Variants in KCNK12 observed in about 807,000 individuals in gnomAD.
The protein encoded by KCNK12 is potassium two pore domain channel subfamily K member 12.
Under a neutral mutation model 25.3 loss-of-function variants are expected in KCNK12, and 6 were observed. The ratio of observed to expected loss-of-function variants is 0.24; its 90% CI spans 0.13 to 0.47. The LOEUF is 0.47. KCNK12 is among the 20% of genes least tolerant of loss of function. The pLI is 0.99. For missense variants in KCNK12, 444 were observed against 661.7 expected (o/e 0.67, Z 3.61); for synonymous variants, 331 against 311.1 (o/e 1.06, Z -0.67).
chr2:47,570,049 G>A lies in KCNK12; in HGVS notation c.283C>T (p.Arg95Trp). Residue 95 changes from arginine (R) to tryptophan (W), a missense_variant, in exon 1 of 2, where the codon CGG (arginine) becomes TGG (tryptophan). Transcript: ENST00000327876. ...GCGGCCAGCGCGGCCTCGTAGTGCC[G>A]GAGGAAGGCGCGCAGCTCTGGCTCG... is the stretch of plus-strand genomic sequence containing the variant. ...VAEPELRAFL[R>W]HYEAALAAGV... is the part of the protein sequence containing the mutation. 1 of 1,416,398 alleles carries A rather than the reference G, an allele frequency of 7.1e-7. No individual in the cohort carries two copies. 87.7% of individuals were successfully genotyped at this position (1,416,398 alleles called of 1,614,324 possible).
In KCNK12 at chr2:47,528,911, C is replaced by T. The variant is rs1374095128; in HGVS notation, c.392-7103G>A. On this transcript the variant is annotated intron_variant, in intron 1 of 1. Transcript: ENST00000327876. This position sits in a 1 kb window ranked among gnomAD's most constrained non-coding sequence, Gnocchi z 4.5. ...TCGGTTGGGCCCTTGACACACTCCT[C>T]CCATCCAGGCCCCCAGCCACCCTGT... Among the ~76,000 whole-genome samples, 1 of 151,858 alleles carries T rather than the reference C, an allele frequency of 6.6e-6. No individual in the cohort carries two copies. The highest frequency in any genetic ancestry group is 1.5e-5 in the Non-Finnish European group (1 of 67,974).
chr2:47,524,433 G>A (rs1375964143), intron 1 of KCNK12, among the ~76,000 whole-genome samples: 1 of 152,130 alleles, frequency 6.6e-6, no homozygotes, highest in Non-Finnish European at 1.5e-5. Context: ...AAAAGAATGT[G>A]GAACAAAATA....
intron 1 of KCNK12, among the ~76,000 whole-genome samples, chr2:47,537,367 G>C (rs899342658): frequency 1.3e-5 from 2 of 148,972 alleles, no homozygotes; most frequent in Non-Finnish European, 3.0e-5. Context: ...ATCTTGCTCT[G>C]TCGCCCAGGC....
In KCNK12 at chr2:47,520,880, G is replaced by T; in HGVS notation, c.*27C>A. 1 of 1,236,734 alleles carries T rather than the reference G, an allele frequency of 8.1e-7. No individual in the cohort carries two copies. The allele number at this position is 1,236,734 out of a possible 1,614,324, so 76.6% of individuals were successfully genotyped here. A position where few individuals can be genotyped will look rare whatever the true frequency, so the allele number is the denominator to read the frequency against. ...CCCGGCGGCCCCGCGGCCTGGAGAGGGTCCCCGGCGCGGGCGGACGGGCGG... is the reference window on the plus strand; with the variant it reads ...CCCGGCGGCCCCGCGGCCTGGAGAGTGTCCCCGGCGCGGGCGGACGGGCGG... On this transcript the variant is annotated 3_prime_UTR_variant, in exon 2 of 2. Coordinates refer to ENST00000327876, the MANE Select transcript of KCNK12 (RefSeq NM_022055.2). This position sits in a 1 kb window ranked among gnomAD's most constrained non-coding sequence, Gnocchi z 5.0.
chr2:47,520,767 A>T lies in KCNK12; in HGVS notation c.*140T>A. ...TTGATAACATCAGGCCTGGCCAAAT[A>T]GTATTTCTTTAAAAAAATTTTTTTT... is the stretch of plus-strand genomic sequence containing the variant. On this transcript the variant is annotated 3_prime_UTR_variant, in exon 2 of 2. Coordinates refer to ENST00000327876, the MANE Select transcript of KCNK12 (RefSeq NM_022055.2). The surrounding 1 kb of genome is among the most constrained non-coding windows in gnomAD (Gnocchi z 5.0). The T allele has an allele frequency of 1.8e-6, 1 of 541,338 alleles. No individual in the cohort carries two copies. Among genetic ancestry groups the T allele is most frequent in the Non-Finnish European group, 2.8e-6 (1 of 357,656 alleles). The allele number at this position is 541,338 out of a possible 1,614,324, so 33.5% of individuals were successfully genotyped here. A position where few individuals can be genotyped will look rare whatever the true frequency, so the allele number is the denominator to read the frequency against.
rs1364401170 is a variant in KCNK12, at chr2:47,566,949, A to G, written c.391+2992T>C. On this transcript the variant is annotated intron_variant, in intron 1 of 1. Coordinates refer to ENST00000327876, the MANE Select transcript of KCNK12 (RefSeq NM_022055.2). The surrounding 1 kb of genome is among the most constrained non-coding windows in gnomAD (Gnocchi z 4.1). ...CATCTTCAGTGAGGATGGCCAAGAT[A>G]CGTTGCTCATAAATGCTGTGATCCA... 1.3e-5 allele frequency: 2 copies of G among 152,222 alleles called. No individual in the cohort carries two copies. The highest frequency in any genetic ancestry group is 4.8e-5 in the African/African-American group (2 of 41,450). The allele number at this position is 152,222 out of a possible 1,614,324, so 9.4% of individuals were successfully genotyped here. A position where few individuals can be genotyped will look rare whatever the true frequency, so the allele number is the denominator to read the frequency against.
chr2:47,516,801 C>G lies in KCNK12; in HGVS notation c.*4106G>C, dbSNP rs1284782984. 1.3e-5 allele frequency: 2 copies of G among 152,194 alleles called. No homozygotes were observed. Among genetic ancestry groups the G allele is most frequent in the African/African-American group, 4.8e-5 (2 of 41,420 alleles). The allele number at this position is 152,194 out of a possible 1,614,324, so 9.4% of individuals were successfully genotyped here. The stretch of plus-strand genomic sequence containing the variant: ...AGGGGAAGAGGGTTTGGGGCCAGGT[C>G]CGAGTGCAGAAATCCTCAATGCATG... On this transcript the variant is annotated 3_prime_UTR_variant, in exon 2 of 2. Coordinates refer to ENST00000327876, the MANE Select transcript of KCNK12 (RefSeq NM_022055.2).
rs558957838 is a variant in KCNK12 at position 47,518,729 on chromosome 2, G to A, written c.*2178C>T. The A allele has an allele frequency of 2.0e-5, 3 of 152,516 alleles. No homozygotes were observed. Among genetic ancestry groups the A allele is most frequent in the Non-Finnish European group, 2.9e-5 (2 of 68,214 alleles). 9.4% of individuals were successfully genotyped at this position (152,516 alleles called of 1,614,324 possible). A position where few individuals can be genotyped will look rare whatever the true frequency, so the allele number is the denominator to read the frequency against. ...TGCTGGGGCTCACTTCCTGTGGGTA[G>A]GCTGTTATTTTGCCCGCAGATCAAG... is the stretch of plus-strand genomic sequence containing the variant. On this transcript the variant is annotated 3_prime_UTR_variant, in exon 2 of 2. Transcript: ENST00000327876. The surrounding 1 kb of genome is among the most constrained non-coding windows in gnomAD (Gnocchi z 4.1).
intron 1 of KCNK12, among the ~76,000 whole-genome samples, chr2:47,550,688 C>CGTCT (rs112101753): frequency 2.0e-5 from 3 of 151,954 alleles, no homozygotes; most frequent in African/African-American, 7.2e-5. Flanking sequence ...TGGCCACAGA[C>CGTCT]GTCTTATCAG....
chr2:47,540,348 G>A lies in KCNK12; in HGVS notation c.392-18540C>T, dbSNP rs1024953934. Among the ~76,000 whole-genome samples the A allele has an allele frequency of 5.9e-5, 9 of 152,288 alleles. No individual in the cohort carries two copies. The highest frequency in any genetic ancestry group is 8.8e-5 in the Non-Finnish European group (6 of 68,034). On this transcript the variant is annotated intron_variant, in intron 1 of 1. Coordinates refer to ENST00000327876, the MANE Select transcript of KCNK12 (RefSeq NM_022055.2). The surrounding 1 kb of genome is among the most constrained non-coding windows in gnomAD (Gnocchi z 5.4). Reference sequence around the variant, plus strand: ...CACTGTGCCAGGGGGCTGAGTGTCCGGCCTGGGACGTGAGAGGGCATGGGC... The same window carrying A: ...CACTGTGCCAGGGGGCTGAGTGTCCAGCCTGGGACGTGAGAGGGCATGGGC...
rs1558543524 is a variant in KCNK12 at position 47,515,895 on chromosome 2, C to T, written c.*5012G>A. Reference sequence around the variant, plus strand: ...CTGACACTGTGGGAAGGACCCCATGCAGAAGCAATAGGGCAGCCTGGTCCC... The same window carrying T: ...CTGACACTGTGGGAAGGACCCCATGTAGAAGCAATAGGGCAGCCTGGTCCC... On this transcript the variant is annotated 3_prime_UTR_variant, in exon 2 of 2. Transcript: ENST00000327876. 6.6e-6 allele frequency among the ~76,000 whole-genome samples: 1 copy of T among 152,188 alleles called. No individual in the cohort carries two copies. Among genetic ancestry groups the T allele is most frequent in the African/African-American group, 2.4e-5 (1 of 41,430 alleles).
intron 1 of KCNK12, among the ~76,000 whole-genome samples, chr2:47,550,936 G>T (rs776725447): frequency 1.3e-4 from 19 of 151,760 alleles, no homozygotes; most frequent in Admixed American, 2.0e-4. Context: ...AGTTTTTTTT[G>T]AACAGCAATG....
chr2:47,564,705 A>G (rs1428853213), intron 1 of KCNK12: 4 of 175,710 alleles, frequency 2.3e-5, no homozygotes, highest in African/African-American at 7.1e-5. Context: ...TTATTCATAT[A>G]ATAAATATTG....
Position 47,513,759 on chromosome 2 carries a change from G to C in KCNK12, c.*7148C>G, listed in dbSNP as rs939580271. On this transcript the variant is annotated 3_prime_UTR_variant, in exon 2 of 2. Transcript: ENST00000327876. ...GCACCACTGTCTACCTGGCTGCTTA[G>C]CCTGAGACCTGGCTCCGTCCCAATT... 2.6e-5 allele frequency among the ~76,000 whole-genome samples: 4 copies of C among 152,134 alleles called. No individual in the cohort carries two copies. The highest frequency in any genetic ancestry group is 5.9e-5 in the Non-Finnish European group (4 of 68,028).
chr2:47,559,586 A>C (rs1345337663), intron 1 of KCNK12, among the ~76,000 whole-genome samples: 1 of 152,238 alleles, frequency 6.6e-6, no homozygotes, highest in Non-Finnish European at 1.5e-5. Flanking sequence ...GATGGTTATT[A>C]TCATGTTATT....
Position 47,512,349 on chromosome 2 carries a change from C to T in KCNK12, c.*8558G>A. 6.2e-7 allele frequency: 1 copy of T among 1,612,570 alleles called. No homozygotes were observed. The highest frequency in any genetic ancestry group is 8.5e-7 in the Non-Finnish European group (1 of 1,179,786). On this transcript the variant is annotated 3_prime_UTR_variant, in exon 2 of 2. Transcript: ENST00000327876. ...AAAGACCAGTGCCTCATTTTGCTGA[C>T]ATGGAAAAGGAAACTTCGTGGGGGA...
rs1163557458 is a variant in KCNK12, at chr2:47,510,764, C to G, written c.*10143G>C. ...TACAGGAGAAACAGGTCTATTAACC[C>G]TGGTATTAATATTAACTGGCTGCCC... On this transcript the variant is annotated 3_prime_UTR_variant, in exon 2 of 2. Coordinates refer to ENST00000327876, the MANE Select transcript of KCNK12 (RefSeq NM_022055.2). 1 of 152,156 alleles carries G rather than the reference C, an allele frequency of 6.6e-6. No individual in the cohort carries two copies. The highest frequency in any genetic ancestry group is 1.5e-5 in the Non-Finnish European group (1 of 68,046). The allele number at this position is 152,156 out of a possible 1,614,324, so 9.4% of individuals were successfully genotyped here.
chr2:47,564,723 T>C (rs1181389986), intron 1 of KCNK12: 1 of 173,184 alleles, frequency 5.8e-6, no homozygotes, highest in African/African-American at 2.4e-5. Flanking sequence ...TTGTTTACTA[T>C]GGGCTAGGTC....
chr2:47,537,485 G>A lies in KCNK12; in HGVS notation c.392-15677C>T, dbSNP rs554826844. Among the ~76,000 whole-genome samples the A allele has an allele frequency of 1.7e-3, 261 of 151,924 alleles. 2 individuals are homozygous for A. Among genetic ancestry groups the A allele is most frequent in the African/African-American group, 6.1e-3 (251 of 41,474 alleles). The stretch of plus-strand genomic sequence containing the variant: ...AGCTGGGATTACAGGCGCCCACCAC[G>A]ACGCCCAGCTAATTTTTATATTTTT... On this transcript the variant is annotated intron_variant, in intron 1 of 1. Transcript: ENST00000327876.
Sources: gnomAD v4.1 joint callset for allele counts (sites outside exome capture counted in the v4.1 genomes callset) on GRCh38, gnomAD v4.1.1 for gene constraint, Gnocchi (gnomAD v3.1) non-coding constraint, MANE v1.5 for transcripts, NCBI Gene and HGNC (gene_info 2026-07-23, HGNC 2026-07-21) for gene names.